The following NRG3 variants were observed in gnomAD, a reference collection of about 807,000 sequenced individuals.
The protein encoded by NRG3 is neuregulin 3.
NRG3 carries 31 observed loss-of-function variants against 66.9 expected under a neutral mutation model. The observed-to-expected ratio is 0.46, with a 90% CI of 0.35 to 0.63. The LOEUF (loss-of-function observed/expected upper bound fraction) is 0.63. Among genes scored for constraint, NRG3 ranks in the 20% least tolerant of loss-of-function variants. The probability of loss-of-function intolerance (pLI) is 0.00; values close to 1 mark genes in which losing one functional copy is unlikely to be tolerated. For synonymous variants in NRG3, 393 were observed against 359.4 expected (o/e 1.09, Z -1.06); for missense variants, 910 against 878.9 (o/e 1.04, Z -0.45).
intron 2 of NRG3, among the ~76,000 whole-genome samples, chr10:82,622,095 T>C (rs1446454379): frequency 6.6e-6 from 1 of 152,200 alleles, no homozygotes; most frequent in Admixed American, 6.5e-5. Flanking sequence ...GAGCCTACTT[T>C]GCAAGGAGGT....
At chr10:81,909,427 G>A (rs1844909081) in intron 1 of NRG3, among the ~76,000 whole-genome samples, 1 of 152,068 alleles carries the variant, frequency 6.6e-6, no homozygotes, top group Admixed American at 6.6e-5. Context: ...ATGGGATGGT[G>A]GTATTAACGG....
intron 2 of NRG3, among the ~76,000 whole-genome samples, chr10:82,529,191 G>A (rs768614406): frequency 5.9e-5 from 9 of 152,182 alleles, no homozygotes; most frequent in Non-Finnish European, 1.0e-4. Context: ...ACATAACAAA[G>A]TCTTCTCAAA....
At chr10:81,943,039 A>C (rs1039161262) in intron 1 of NRG3, among the ~76,000 whole-genome samples, 4 of 152,142 alleles carry the variant, frequency 2.6e-5, no homozygotes, top group Non-Finnish European at 4.4e-5. Flanking sequence ...TTACCTTATC[A>C]CATGGACATA....
chr10:82,024,279 C>A (rs1307663584), intron 1 of NRG3, among the ~76,000 whole-genome samples: 2 of 151,764 alleles, frequency 1.3e-5, no homozygotes, highest in Non-Finnish European at 2.9e-5. Context: ...TTTTGTTCAT[C>A]TTTGCAAAAT....
chr10:82,525,673 C>T (rs1286710536), intron 2 of NRG3, among the ~76,000 whole-genome samples: 1 of 151,040 alleles, frequency 6.6e-6, no homozygotes, highest in Non-Finnish European at 1.5e-5. Flanking sequence ...TATAATCAAA[C>T]CTACAGAAAA....
intron 1 of NRG3, among the ~76,000 whole-genome samples, chr10:82,310,798 C>T (rs932939872): frequency 6.6e-6 from 1 of 152,074 alleles, no homozygotes; most frequent in African/African-American, 2.4e-5. Flanking sequence ...TCTCTCTTCC[C>T]CTCTCTTCCC....
chr10:82,644,214 G>A (rs2050783893), intron 2 of NRG3, among the ~76,000 whole-genome samples: 1 of 152,070 alleles, frequency 6.6e-6, no homozygotes, highest in Non-Finnish European at 1.5e-5. Flanking sequence ...CACTTTCAGA[G>A]GTACCTGATT....
chr10:82,619,678 G>A (rs970884217), intron 2 of NRG3, among the ~76,000 whole-genome samples: 6 of 152,294 alleles, frequency 3.9e-5, no homozygotes, highest in Non-Finnish European at 2.9e-5. Context: ...TATGTTTAAA[G>A]CGGTAATAAG....
chr10:82,318,063 T>C lies in NRG3; in HGVS notation c.824-40676T>C, dbSNP rs774372033. ...AGGGGAACAACGAGATATGCCTTTG[T>C]GTCTGGTGGGCAGGGGGTGATAGTA... On this transcript the variant is annotated intron_variant, in intron 1 of 8. Transcript: ENST00000372141. 2.0e-5 allele frequency among the ~76,000 whole-genome samples: 3 copies of C among 152,070 alleles called. No individual in the cohort carries two copies. The South Asian group carries it at 6.2e-4, about 32-fold the overall frequency.
At chr10:82,714,441 A>G (rs1444087106) in intron 2 of NRG3, among the ~76,000 whole-genome samples, 2 of 152,162 alleles carry the variant, frequency 1.3e-5, no homozygotes, top group African/African-American at 4.8e-5. Flanking sequence ...CCCATACCTC[A>G]TGCTTCCGTG....
chr10:82,557,743 G>A (rs1210820757), intron 2 of NRG3, among the ~76,000 whole-genome samples: 5 of 152,140 alleles, frequency 3.3e-5, no homozygotes, highest in African/African-American at 1.2e-4. Context: ...TTTACTTTGT[G>A]CCAGACATGT....
chr10:81,906,132 C>T (rs1417568488), intron 1 of NRG3, among the ~76,000 whole-genome samples: 4 of 152,082 alleles, frequency 2.6e-5, no homozygotes, highest in African/African-American at 9.7e-5. Context: ...GCAATTAACA[C>T]GTAACTGGGT....
At chr10:82,057,973 CT>C (rs11323372) in intron 1 of NRG3, among the ~76,000 whole-genome samples, 121,084 of 140,728 alleles carry the variant, frequency 0.86, 52,000 homozygotes, top group Middle Eastern at 0.93. Context: ...TCTTTCCTTT[CT>C]TTTTTTTTTT....
chr10:82,514,953 T>C (rs1845516090), intron 2 of NRG3, among the ~76,000 whole-genome samples: 1 of 152,150 alleles, frequency 6.6e-6, no homozygotes, highest in South Asian at 2.1e-4. Flanking sequence ...AGAATGTTCA[T>C]CTATGTCTTC....
intron 1 of NRG3, among the ~76,000 whole-genome samples, chr10:81,968,021 C>T (rs1564698392): frequency 6.6e-6 from 1 of 152,182 alleles, no homozygotes; most frequent in Non-Finnish European, 1.5e-5. Context: ...AGCATTATTG[C>T]CTGGCAACAT....
intron 2 of NRG3, among the ~76,000 whole-genome samples, chr10:82,559,404 G>T (rs937793920): frequency 3.3e-5 from 5 of 152,166 alleles, no homozygotes; most frequent in Non-Finnish European, 7.4e-5. Context: ...AAAAAGTTTG[G>T]CTAAGCCGAG....
At chr10:82,578,521 C>T (rs1461830588) in intron 2 of NRG3, among the ~76,000 whole-genome samples, 6 of 151,194 alleles carry the variant, frequency 4.0e-5, no homozygotes, top group African/African-American at 1.5e-4. Context: ...CTATAGTTTG[C>T]CAATCTCGTT....
Position 82,291,479 on chromosome 10 carries a change from A to T in NRG3, c.824-67260A>T, listed in dbSNP as rs868272650. Among the ~76,000 whole-genome samples, 17 of 152,338 alleles carry T rather than the reference A, an allele frequency of 1.1e-4. No individual in the cohort carries two copies. The Middle Eastern group carries it at 0.014, about 122-fold the overall frequency. ...GATCTTTTGTAGATAAGCTTATTGT[A>T]AAAGGTGCATGACAGATCCTAGAAT... On this transcript the variant is annotated intron_variant, in intron 1 of 8. Coordinates refer to ENST00000372141, the MANE Select transcript of NRG3 (RefSeq NM_001010848.4).
At chr10:81,989,821 C>G (rs1320518657) in intron 1 of NRG3, among the ~76,000 whole-genome samples, 1 of 151,906 alleles carries the variant, frequency 6.6e-6, no homozygotes, top group Non-Finnish European at 1.5e-5. Flanking sequence ...AAAAATGCGA[C>G]TCTGGAGATG....
Sources: gnomAD v4.1 joint callset for allele counts (sites outside exome capture counted in the v4.1 genomes callset) on GRCh38, gnomAD v4.1.1 for gene constraint, MANE v1.5 for transcripts, NCBI Gene and HGNC (gene_info 2026-07-23, HGNC 2026-07-21) for gene names.